The following SENP6 variants were observed in gnomAD, a reference collection of about 807,000 sequenced individuals.
SENP6 encodes SUMO specific peptidase 6.
SENP6 carries 41 observed loss-of-function variants against 134.5 expected under a neutral mutation model. The ratio of observed to expected loss-of-function variants is 0.30; its 90% confidence interval spans 0.24 to 0.40. The LOEUF is 0.40. Among genes scored for constraint, SENP6 ranks in the 10% least tolerant of loss-of-function variants. The pLI is 1.00. For missense variants in SENP6, 1,248 were observed against 1,312.5 expected, an observed-to-expected ratio of 0.95 and a Z score of 0.76; for synonymous variants, 395 against 429.8, an observed-to-expected ratio of 0.92 and a Z score of 1.00.
chr6:75,674,468 T>C (rs1287698568), intron 11 of SENP6, among the ~76,000 whole-genome samples: 2 of 152,116 alleles, frequency 1.3e-5, no homozygotes, highest in Non-Finnish European at 1.5e-5. Context: ...ATTACAGGCA[T>C]GCATTACCAC....
chr6:75,707,549 G>A (rs1775487909), intron 19 of SENP6, among the ~76,000 whole-genome samples: 1 of 151,476 alleles, frequency 6.6e-6, no homozygotes, highest in African/African-American at 2.4e-5. Context: ...CTGTAGAGAC[G>A]GGCTCACTTT....
At chr6:75,670,048 C>T (rs1331082175) in intron 10 of SENP6, among the ~76,000 whole-genome samples, 2 of 152,130 alleles carry the variant, frequency 1.3e-5, no homozygotes, top group African/African-American at 4.8e-5. Context: ...GTTCTCCTGC[C>T]TCAGCCTCCT....
chr6:75,621,475 GT>G (rs1768262949), intron 1 of SENP6, 56 bp from the exon 2 acceptor site: 5 of 1,048,928 alleles, frequency 4.8e-6, no homozygotes, highest in Non-Finnish European at 7.2e-6. Context: ...GCACATATTT[GT>G]TTTATATTGA....
At chr6:75,634,076 A>G (rs988848563) in intron 4 of SENP6, among the ~76,000 whole-genome samples, 2 of 152,174 alleles carry the variant, frequency 1.3e-5, no homozygotes, top group African/African-American at 2.4e-5. Context: ...GATTGTCTCA[A>G]TAGGGGACTT....
At chr6:75,619,331 T>G (rs1768089198) in intron 1 of SENP6, among the ~76,000 whole-genome samples, 1 of 152,180 alleles carries the variant, frequency 6.6e-6, no homozygotes, top group African/African-American at 2.4e-5. Flanking sequence ...CATACAATAT[T>G]TGTCCTTTTG....
Position 75,635,105 on chromosome 6 carries a change from CTGAGA to C in SENP6, c.458+296_458+300del, listed in dbSNP as rs1769411301. The C allele has an allele frequency of 9.4e-6, 4 of 425,070 alleles. No individual in the cohort carries two copies. The Admixed American group carries it at 1.4e-4, about 15-fold the overall frequency. The allele number at this position is 425,070 out of a possible 1,614,324, so 26.3% of individuals were successfully genotyped here. A position where few individuals can be genotyped will look rare whatever the true frequency, so the allele number is the denominator to read the frequency against. The stretch of plus-strand genomic sequence containing the variant: ...ACAATATTGACCTGAAAGTGTTTGA[CTGAGA>C]TATCTTCAGTTGGTAGTTTAGCTCT... On this transcript the variant is annotated intron_variant, in intron 5 of 23. Transcript: ENST00000447266.
At chr6:75,673,990 C>T (rs913798637) in intron 11 of SENP6, among the ~76,000 whole-genome samples, 2 of 151,976 alleles carry the variant, frequency 1.3e-5, no homozygotes, top group Non-Finnish European at 2.9e-5. Context: ...CACTGCCTTC[C>T]AGCTCGGGTG....
chr6:75,637,616 C>A (rs1769623050), intron 5 of SENP6, among the ~76,000 whole-genome samples: 1 of 152,074 alleles, frequency 6.6e-6, no homozygotes, highest in Non-Finnish European at 1.5e-5. Flanking sequence ...GTTTTACTTA[C>A]ACTTTCACAT....
intron 7 of SENP6, chr6:75,654,935 C>T (rs1771194865): frequency 6.6e-6 from 1 of 152,202 alleles, no homozygotes; most frequent in African/African-American, 2.4e-5. Context: ...TCATCCCTTA[C>T]TACGTTAATT....
chr6:75,690,728 C>G lies in SENP6; in HGVS notation c.2076-5076C>G, dbSNP rs963772321. On this transcript the variant is annotated intron_variant, in intron 16 of 23. Transcript: ENST00000447266. Reference sequence around the variant, plus strand: ...TTTTTTTTGAGATGAGAGTCTCGCTCTGTCACCCAGGCTCTGGAGTGCAGT... The same window carrying G: ...TTTTTTTTGAGATGAGAGTCTCGCTGTGTCACCCAGGCTCTGGAGTGCAGT... Among the ~76,000 whole-genome samples the G allele has an allele frequency of 3.4e-5, 5 of 146,024 alleles. No homozygotes were observed. The South Asian group carries it at 6.3e-4, about 18-fold the overall frequency.
intron 8 of SENP6, 119 bp downstream of exon 8, chr6:75,659,526 T>C (rs1338662149): frequency 1.1e-6 from 1 of 895,534 alleles, no homozygotes; most frequent in African/African-American, 1.8e-5. Context: ...CTTGGAAAAC[T>C]TATTTAGGCA....
intron 19 of SENP6, among the ~76,000 whole-genome samples, chr6:75,705,894 A>C (rs1436148231): frequency 1.2e-5 from 1 of 81,546 alleles, no homozygotes; most frequent in African/African-American, 4.4e-5. Context: ...AGCTTATATT[A>C]TTTTAGTGAG....
intron 1 of SENP6, among the ~76,000 whole-genome samples, chr6:75,604,838 C>A (rs1186598854): frequency 6.6e-6 from 1 of 151,768 alleles, no homozygotes; most frequent in African/African-American, 2.4e-5. Flanking sequence ...TTTGGGAGGC[C>A]GAGATGAACG....
intron 6 of SENP6, among the ~76,000 whole-genome samples, chr6:75,642,219 T>C (rs2149844673): frequency 6.6e-6 from 1 of 152,338 alleles, no homozygotes; most frequent in African/African-American, 2.4e-5. Flanking sequence ...GATACAGTGA[T>C]GAACAAAGCA....
At chr6:75,636,786 G>A (rs1769550006) in intron 5 of SENP6, among the ~76,000 whole-genome samples, 1 of 152,010 alleles carries the variant, frequency 6.6e-6, no homozygotes, top group African/African-American at 2.4e-5. Flanking sequence ...TTGCTTCCAG[G>A]GATTTAGCAC....
chr6:75,660,516 G>T (rs1426610745), intron 8 of SENP6, among the ~76,000 whole-genome samples: 1 of 152,100 alleles, frequency 6.6e-6, no homozygotes, highest in African/African-American at 2.4e-5. Context: ...TTCCATGTGA[G>T]TCCCTTCAAG....
Position 75,702,755 on chromosome 6 carries a change from A to G in SENP6, c.2399A>G (p.Glu800Gly). Residue 800 changes from glutamate (E) to glycine (G), a missense_variant, in exon 19 of 24, where the codon GAG becomes GGG. By Grantham distance (98) the Glu-to-Gly change is moderately conservative. Coordinates refer to ENST00000447266, the MANE Select transcript of SENP6 (RefSeq NM_015571.4). The stretch of plus-strand genomic sequence containing the variant: ...GTCATACAGAAATGTTCAACTGTAG[A>G]GGACAGTTGTATTTCTTCTTCAGCC... ...NAVIQKCSTV[E>G]DSCISSSASE... 7 of 1,613,794 alleles carry G rather than the reference A, an allele frequency of 4.3e-6. No homozygotes were observed. Among genetic ancestry groups the G allele is most frequent in the Non-Finnish European group, 5.9e-6 (7 of 1,179,700 alleles).
intron 10 of SENP6, among the ~76,000 whole-genome samples, chr6:75,669,430 T>C (rs1413898980): frequency 6.6e-6 from 1 of 152,174 alleles, no homozygotes; most frequent in Admixed American, 6.5e-5. Context: ...CAAAATCATA[T>C]GATCATATTT....
intron 1 of SENP6, among the ~76,000 whole-genome samples, chr6:75,607,351 G>A (rs1429271455): frequency 5.3e-5 from 8 of 152,060 alleles, no homozygotes; most frequent in Admixed American, 1.3e-4. Context: ...TCAGAGAGGG[G>A]CAGCAGATTA....
Sources: gnomAD v4.1 joint callset for allele counts (sites outside exome capture counted in the v4.1 genomes callset) on GRCh38, gnomAD v4.1.1 for gene constraint, MANE v1.5 for transcripts, NCBI Gene and HGNC (gene_info 2026-07-23, HGNC 2026-07-21) for gene names.